Variants in KCNH7 observed in about 807,000 individuals in gnomAD.
The protein encoded by KCNH7 is potassium voltage-gated channel subfamily H member 7.
In KCNH7, 49 loss-of-function variants were observed where a neutral mutation model predicts 120.8. The observed-to-expected ratio is 0.41, with a 90% CI of 0.32 to 0.51. The LOEUF is 0.51. Ranked by LOEUF, KCNH7 falls within the 20% of genes least tolerant of loss-of-function variation. The pLI is 0.38. For synonymous variants in KCNH7, 547 were observed against 516.1 expected, an observed-to-expected ratio of 1.06 and a Z score of -0.81; for missense variants, 1,097 against 1,446.6, an observed-to-expected ratio of 0.76 and a Z score of 3.92.
chr2:162,418,009 A>G (rs970429932), intron 9 of KCNH7, among the ~76,000 whole-genome samples: 4 of 152,200 alleles, frequency 2.6e-5, no homozygotes, highest in Admixed American at 6.5e-5. Flanking sequence ...GTAGGTGATC[A>G]TGAGTGATAA....
chr2:162,535,158 C>T (rs1692064787), intron 3 of KCNH7, among the ~76,000 whole-genome samples: 1 of 151,610 alleles, frequency 6.6e-6, no homozygotes, highest in Non-Finnish European at 1.5e-5. Context: ...GAATTAAAGG[C>T]ACTCGCACAA....
intron 2 of KCNH7, among the ~76,000 whole-genome samples, chr2:162,811,387 C>T (rs1415918426): frequency 6.6e-6 from 1 of 151,934 alleles, no homozygotes; most frequent in African/African-American, 2.4e-5. Flanking sequence ...TATTTAACAC[C>T]AAACACTCAT....
At position 162,786,286 on chromosome 2, in the gene KCNH7, C is replaced by CTTGGAACACT. The variant is rs781184558; in HGVS notation, c.307+50241_307+50250dup. On this transcript the variant is annotated intron_variant, in intron 2 of 15. Transcript: ENST00000332142. ...AAAGCTAGTAGTATGAGCCAACATT[C>CTTGGAACACT]TTGGAACACTTACTGTGTGCCAGCT... Among the ~76,000 whole-genome samples, 583 of 146,750 alleles carry CTTGGAACACT rather than the reference C, an allele frequency of 4.0e-3. 1 individual carries two copies. The highest frequency in any genetic ancestry group is 6.3e-3 in the Non-Finnish European group (423 of 66,648).
At chr2:162,779,690 AT>A (rs1320907789) in intron 2 of KCNH7, among the ~76,000 whole-genome samples, 1 of 152,162 alleles carries the variant, frequency 6.6e-6, no homozygotes, top group Non-Finnish European at 1.5e-5. Context: ...TTATAACAGC[AT>A]CCAAACTGTC....
At chr2:162,476,336 T>C (rs985504611) in intron 6 of KCNH7, among the ~76,000 whole-genome samples, 1 of 152,210 alleles carries the variant, frequency 6.6e-6, no homozygotes, top group African/African-American at 2.4e-5. Flanking sequence ...AAAATATTAA[T>C]ATTTGCCTGG....
At chr2:162,709,522 T>A (rs1415088518) in intron 2 of KCNH7, among the ~76,000 whole-genome samples, 1 of 152,106 alleles carries the variant, frequency 6.6e-6, no homozygotes, top group South Asian at 2.1e-4. Flanking sequence ...CATAAGATGG[T>A]GGTCTGAGTC....
At chr2:162,601,823 T>C (rs1694567654) in intron 2 of KCNH7, among the ~76,000 whole-genome samples, 1 of 152,086 alleles carries the variant, frequency 6.6e-6, no homozygotes, top group Non-Finnish European at 1.5e-5. Flanking sequence ...TTATTAACAT[T>C]ATAAAGGATG....
intron 7 of KCNH7, 147 bp from the exon 8 acceptor site, chr2:162,435,744 T>A: frequency 1.9e-6 from 1 of 518,738 alleles, no homozygotes; most frequent in Non-Finnish European, 3.0e-6. Context: ...AACTTGGTTC[T>A]TTTTTTTTTA....
intron 2 of KCNH7, among the ~76,000 whole-genome samples, chr2:162,745,826 T>TA (rs903276865): frequency 6.6e-6 from 1 of 151,910 alleles, no homozygotes; most frequent in Non-Finnish European, 1.5e-5. Flanking sequence ...TTTTTTCCTT[T>TA]AAAAAAAATC....
chr2:162,430,468 C>T (rs1298334962), intron 8 of KCNH7, among the ~76,000 whole-genome samples: 1 of 152,034 alleles, frequency 6.6e-6, no homozygotes, highest in East Asian at 1.9e-4. Context: ...GACCTCTGAT[C>T]TTGTTTTCTT....
intron 9 of KCNH7, among the ~76,000 whole-genome samples, chr2:162,408,970 A>G (rs1460571458): frequency 6.6e-6 from 1 of 151,900 alleles, no homozygotes; most frequent in Non-Finnish European, 1.5e-5. Context: ...CTTGTATTAA[A>G]AGAAATATGT....
At chr2:162,836,059 C>A (rs956205402) in intron 2 of KCNH7, among the ~76,000 whole-genome samples, 1 of 152,110 alleles carries the variant, frequency 6.6e-6, no homozygotes, top group Non-Finnish European at 1.5e-5. Flanking sequence ...GCAAAAGAAA[C>A]AAGAGGTGTT....
At chr2:162,392,866 G>A (rs921072120) in intron 12 of KCNH7, among the ~76,000 whole-genome samples, 5 of 151,410 alleles carry the variant, frequency 3.3e-5, no homozygotes, top group Admixed American at 2.0e-4. Flanking sequence ...GAACATGTAG[G>A]TGACATAAAC....
At chr2:162,611,641 C>T (rs889886564) in intron 2 of KCNH7, among the ~76,000 whole-genome samples, 14 of 152,054 alleles carry the variant, frequency 9.2e-5, no homozygotes, top group African/African-American at 3.4e-4. Flanking sequence ...TGGGAAGAGA[C>T]GACATTAATA....
intron 2 of KCNH7, among the ~76,000 whole-genome samples, chr2:162,646,426 C>T (rs1396012335): frequency 1.3e-5 from 2 of 152,202 alleles, no homozygotes; most frequent in Non-Finnish European, 2.9e-5. Flanking sequence ...AGAACGGCCC[C>T]TTCCCTCAAA....
At chr2:162,652,367 C>G (rs1223878342) in intron 2 of KCNH7, among the ~76,000 whole-genome samples, 1 of 152,056 alleles carries the variant, frequency 6.6e-6, no homozygotes, top group Non-Finnish European at 1.5e-5. Context: ...ACAGAAGCAG[C>G]CCTCAACCTT....
chr2:162,727,074 T>C (rs1379141311), intron 2 of KCNH7, among the ~76,000 whole-genome samples: 5 of 152,350 alleles, frequency 3.3e-5, no homozygotes, highest in East Asian at 1.9e-4. Flanking sequence ...AGATACTTTT[T>C]ATTCAAATTT....
At chr2:162,505,754 A>G in intron 5 of KCNH7, among the ~76,000 whole-genome samples, 1 of 152,070 alleles carries the variant, frequency 6.6e-6, no homozygotes, top group African/African-American at 2.4e-5. Flanking sequence ...TACAAATTCC[A>G]TCAATAAACT....
chr2:162,434,370 C>T (rs1324716134), intron 8 of KCNH7, among the ~76,000 whole-genome samples: 1 of 151,926 alleles, frequency 6.6e-6, no homozygotes, highest in Admixed American at 6.6e-5. Context: ...GCACATACCC[C>T]CTGAATCTAA....
Sources: gnomAD v4.1 joint callset for allele counts (sites outside exome capture counted in the v4.1 genomes callset) on GRCh38, gnomAD v4.1.1 for gene constraint, MANE v1.5 for transcripts, NCBI Gene and HGNC (gene_info 2026-07-23, HGNC 2026-07-21) for gene names.